TCF25: variants seen among roughly 807,000 people sequenced by gnomAD.
TCF25 encodes ribosome quality control complex subunit TCF25.
Under a neutral mutation model 83.1 loss-of-function variants are expected in TCF25, and 41 were observed. The ratio of observed to expected loss-of-function variants is 0.49; its 90% CI spans 0.38 to 0.64. The LOEUF is 0.64. TCF25 is among the 30% of genes least tolerant of loss of function. TCF25 has a pLI of 0.00. For missense variants in TCF25, 979 were observed against 914.5 expected (o/e 1.07, Z -0.91); for synonymous variants, 458 against 365.0 (o/e 1.25, Z -2.90).
At chr16:89,904,337 G>C (rs575755907) in intron 13 of TCF25, 132 bp downstream of exon 13, 2 of 1,021,402 alleles carry the variant, frequency 2.0e-6, no homozygotes, top group Non-Finnish European at 2.9e-6. Context: ...GCGGCCTCGG[G>C]GACTGTCATT....
intron 5 of TCF25, among the ~76,000 whole-genome samples, chr16:89,891,076 GC>G (rs896549362): frequency 1.2e-4 from 18 of 152,008 alleles, no homozygotes; most frequent in Admixed American, 9.2e-4. Context: ...TCAGCTCATC[GC>G]CCCCGCACTT....
chr16:89,899,267 C>T (rs1325992208), intron 11 of TCF25, among the ~76,000 whole-genome samples: 6 of 152,174 alleles, frequency 3.9e-5, no homozygotes, highest in African/African-American at 1.4e-4. Flanking sequence ...ACACAGGGAC[C>T]CCCAGCACGT....
At chr16:89,897,895 C>T (rs2144168920) in intron 9 of TCF25, among the ~76,000 whole-genome samples, 1 of 152,278 alleles carries the variant, frequency 6.6e-6, no homozygotes, top group East Asian at 1.9e-4. Flanking sequence ...GCAGGTGGAT[C>T]ACAAGATCAG....
intron 14 of TCF25, 40 bp from the exon 15 acceptor site, chr16:89,906,154 T>G (rs199581767): frequency 6.3e-7 from 1 of 1,577,346 alleles, no homozygotes; most frequent in African/African-American, 1.3e-5. Context: ...TTTCATTTGC[T>G]GTGCTTTATC....
Position 89,911,239 on chromosome 16 carries a change from G to T in TCF25, c.*1G>T. 1 of 1,612,412 alleles carries T rather than the reference G, an allele frequency of 6.2e-7. No individual in the cohort carries two copies. ...TGAGGGGGAGGGGGAGTGGGACTGA[G>T]CGTCCGCAGAGGTGACCGAAAAGCC... On this transcript the variant is annotated 3_prime_UTR_variant, in exon 18 of 18. Coordinates refer to ENST00000263346, the MANE Select transcript of TCF25 (RefSeq NM_014972.3).
intron 15 of TCF25, among the ~76,000 whole-genome samples, chr16:89,906,699 A>G (rs554562940): frequency 6.6e-6 from 1 of 152,284 alleles, no homozygotes; most frequent in South Asian, 2.1e-4. Flanking sequence ...ACGAGTGAGA[A>G]AACCAGCAAG....
chr16:89,902,464 C>T (rs1317298474), intron 12 of TCF25, among the ~76,000 whole-genome samples: 29 of 116,892 alleles, frequency 2.5e-4, no homozygotes, highest in African/African-American at 1.9e-4. Flanking sequence ...CCGAGGTGGG[C>T]GGATCACGAG....
chr16:89,904,619 G>C (rs1044312160), intron 13 of TCF25: 1 of 510,552 alleles, frequency 2.0e-6, no homozygotes, highest in Non-Finnish European at 3.6e-6. Flanking sequence ...ACAGGAGAAA[G>C]TGCACGCCTT....
chr16:89,905,108 G>C lies in TCF25; in HGVS notation c.1628+12G>C. 1 of 1,577,208 alleles carries C rather than the reference G, an allele frequency of 6.3e-7. No individual in the cohort carries two copies. The highest frequency in any genetic ancestry group is 8.6e-7 in the Non-Finnish European group (1 of 1,161,804). On this transcript the variant is annotated intron_variant, in intron 14 of 17. Coordinates refer to ENST00000263346, the MANE Select transcript of TCF25 (RefSeq NM_014972.3). ...GCCTGTGAGAACCGGTGAGCTAGGGGTTGACACAAGCCCTGCCACGCCCCC... is the reference window on the plus strand; with the variant it reads ...GCCTGTGAGAACCGGTGAGCTAGGGCTTGACACAAGCCCTGCCACGCCCCC...
intron 5 of TCF25, among the ~76,000 whole-genome samples, 166 bp from the exon 6 acceptor site, chr16:89,892,027 G>C (rs2043470935): frequency 6.6e-6 from 1 of 152,104 alleles, no homozygotes; most frequent in African/African-American, 2.4e-5. Flanking sequence ...CACAGCAGTT[G>C]CTGACGCTTG....
chr16:89,904,276 TC>T, intron 13 of TCF25, 71 bp downstream of exon 13: 1 of 1,501,190 alleles, frequency 6.7e-7, no homozygotes, highest in Non-Finnish European at 9.1e-7. Context: ...TTTTCACTCA[TC>T]CTGAGAGGCC....
chr16:89,886,013 C>CTTCTCTGCGGCTGCCG (rs2042983693), intron 4 of TCF25, 47 bp downstream of exon 4: 3 of 1,513,350 alleles, frequency 2.0e-6, no homozygotes, highest in Non-Finnish European at 2.7e-6. Context: ...TGCGGCTGCC[C>CTTCTCTGCGGCTGCCG]TTCTCTGCGG....
At chr16:89,907,639 T>TCCC (rs2045002450) in intron 16 of TCF25, among the ~76,000 whole-genome samples, 1 of 4,008 alleles carries the variant, frequency 2.5e-4, no homozygotes, top group Non-Finnish European at 5.2e-4. Flanking sequence ...TCCCTCATCC[T>TCCC]AGTTCCCACC....
At chr16:89,895,282 C>G in intron 8 of TCF25, 145 bp downstream of exon 8, 1 of 742,860 alleles carries the variant, frequency 1.3e-6, no homozygotes, top group South Asian at 1.9e-5. Flanking sequence ...ACAAAACTTA[C>G]CCATTTAAAG....
At chr16:89,880,155 C>T (rs7191934) in intron 1 of TCF25, among the ~76,000 whole-genome samples, 7,805 of 131,188 alleles carry the variant, frequency 0.059, 552 homozygotes, top group African/African-American at 0.16. Flanking sequence ...GAGCCCATCA[C>T]GCGTGCTGTC....
chr16:89,887,483 C>T (rs956602719), intron 4 of TCF25, among the ~76,000 whole-genome samples, 169 bp from the exon 5 acceptor site: 4 of 152,190 alleles, frequency 2.6e-5, no homozygotes, highest in African/African-American at 4.8e-5. Context: ...CCCGCAGTGG[C>T]GAGGCCTCAG....
At chr16:89,904,633 G>A (rs1056253042) in intron 13 of TCF25, 1 of 529,244 alleles carries the variant, frequency 1.9e-6, no homozygotes, top group African/African-American at 1.9e-5. Flanking sequence ...ACGCCTTGGG[G>A]TCATCCCCTG....
At chr16:89,876,355 C>G (rs183563200) in intron 1 of TCF25, among the ~76,000 whole-genome samples, 1 of 152,324 alleles carries the variant, frequency 6.6e-6, no homozygotes, top group Non-Finnish European at 1.5e-5. Flanking sequence ...GTATGGGAGA[C>G]AGTAAACAGC....
At chr16:89,895,244 A>G in intron 8 of TCF25, 107 bp downstream of exon 8, 1 of 1,012,714 alleles carries the variant, frequency 9.9e-7, no homozygotes, top group Non-Finnish European at 1.5e-6. Flanking sequence ...TATCCATGAC[A>G]GCTTTATTGA....
Sources: allele counts gnomAD v4.1 joint callset (sites outside exome capture counted in the v4.1 genomes callset), GRCh38; gene constraint gnomAD v4.1.1; transcripts MANE v1.5; gene names NCBI Gene and HGNC (gene_info 2026-07-23, HGNC 2026-07-21).